The following ILDR1 variants were observed in gnomAD, a reference collection of about 807,000 sequenced individuals.
The protein encoded by ILDR1 is immunoglobulin-like domain-containing receptor 1.
A neutral mutation model predicts 62.4 loss-of-function variants in ILDR1; 56 were observed. The observed-to-expected ratio is 0.90, with a 90% confidence interval of 0.72 to 1.12. ILDR1 has a LOEUF of 1.12. Ranked by LOEUF, ILDR1 falls within the 50% of genes most tolerant of loss-of-function variation. ILDR1 has a pLI of 0.00. For missense variants in ILDR1, 736 were observed against 710.6 expected (o/e 1.04, Z -0.41); for synonymous variants, 284 against 277.8 (o/e 1.02, Z -0.22).
rs1425786093 is a variant in ILDR1 at position 122,021,924 on chromosome 3, T to C, written c.58+96A>G. The stretch of plus-strand genomic sequence containing the variant: ...GCGCCACCAGAGCGCGGCCCAGGCC[T>C]CCACTGCCCTGCCCGCGGCCAGCTC... On this transcript the variant is annotated intron_variant, in intron 1 of 7. Transcript: ENST00000344209. The C allele has an allele frequency of 2.4e-6, 3 of 1,238,114 alleles. No homozygotes were observed. The Admixed American group carries it at 6.0e-5, about 25-fold the overall frequency. 76.7% of individuals were successfully genotyped at this position (1,238,114 alleles called of 1,614,324 possible).
At chr3:122,056,295 G>C in the ILDR1 span, among the ~76,000 whole-genome samples, 1 of 152,076 alleles carries the variant, frequency 6.6e-6, no homozygotes, top group East Asian at 1.9e-4. Context: ...CCCTTCTCTT[G>C]GGTGGTGGCA....
chr3:122,048,849 T>C, the ILDR1 span, among the ~76,000 whole-genome samples: 1 of 152,186 alleles, frequency 6.6e-6, no homozygotes, highest in Non-Finnish European at 1.5e-5. Flanking sequence ...TTGCCCAGGC[T>C]GGTCTTGGAC....
chr3:122,022,067 G>GGCCAT lies in ILDR1; in HGVS notation c.6_10dup (p.Pro4HisfsTer25), dbSNP rs763645197. 1.6e-5 allele frequency: 25 copies of GGCCAT among 1,609,642 alleles called. No individual in the cohort carries two copies. Among genetic ancestry groups the GGCCAT allele is most frequent in the Admixed American group, 1.7e-5 (1 of 59,612 alleles). ...CAGCAGCCAAGGTGCGGGCAGTTTG[G>GGCCAT]GCCATGCCATGCCGCCCCCTTTCTG... is the stretch of plus-strand genomic sequence containing the variant. On this transcript the variant is annotated frameshift_variant, in exon 1 of 8. Coordinates refer to ENST00000344209, the MANE Select transcript of ILDR1 (RefSeq NM_001199799.2). LOFTEE classifies it high-confidence loss of function.
At chr3:122,030,281 A>G in the ILDR1 span, among the ~76,000 whole-genome samples, 1 of 152,028 alleles carries the variant, frequency 6.6e-6, no homozygotes, top group African/African-American at 2.4e-5. Context: ...AGTCATAGCA[A>G]CAAAGGTAGA....
At chr3:122,029,511 A>AAAATATATATATATATATATAT in the ILDR1 span, among the ~76,000 whole-genome samples, 1 of 139,478 alleles carries the variant, frequency 7.2e-6, no homozygotes, top group African/African-American at 2.8e-5. Flanking sequence ...GTCTAAAAAA[A>AAAATATATATATATATATATAT]ATATATATAT....
the ILDR1 span, among the ~76,000 whole-genome samples, chr3:122,029,511 A>ATAT: frequency 3.8e-3 from 529 of 139,482 alleles, 5 homozygotes; most frequent in African/African-American, 0.013. Flanking sequence ...GTCTAAAAAA[A>ATAT]ATATATATAT....
rs751937187 is a variant in ILDR1, at chr3:122,005,298, T to C, written c.325A>G (p.Asn109Asp). The change falls in exon 3 of 8, where the codon AAT (asparagine) becomes GAT (aspartate). Residue 109 changes from asparagine (N) to aspartate (D), a missense_variant. Transcript: ENST00000344209. ...TAATCTACCCCCAGCACGGGCTCAT[T>C]CTGCCCCCGCCGCTGGGCCACTATG... ...VRIVAQRRGQ[N>D]EPVLGVDYRQ... 1.9e-6 allele frequency: 3 copies of C among 1,613,820 alleles called. No homozygotes were observed. Among genetic ancestry groups the C allele is most frequent in the Non-Finnish European group, 2.5e-6 (3 of 1,179,880 alleles).
upstream of ILDR1, among the ~76,000 whole-genome samples, chr3:122,024,945 A>G (rs1040058711): frequency 6.6e-6 from 1 of 152,228 alleles, no homozygotes; most frequent in Non-Finnish European, 1.5e-5. Context: ...TCAGCTCTAC[A>G]TAAGGGAAAA....
chr3:121,988,150 T>G lies in ILDR1; in HGVS notation c.*217A>C. The G allele has an allele frequency of 1.6e-6, 1 of 638,686 alleles. No homozygotes were observed. The highest frequency in any genetic ancestry group is 2.9e-6 in the Non-Finnish European group (1 of 344,708). 39.6% of individuals were successfully genotyped at this position (638,686 alleles called of 1,614,324 possible). A position where few individuals can be genotyped will look rare whatever the true frequency, so the allele number is the denominator to read the frequency against. ...CTGATCTTGAACTCCTAGTCTCAAG[T>G]GATTCTTAGCCTCCCAAAGTGCTGT... On this transcript the variant is annotated 3_prime_UTR_variant, in exon 8 of 8. Transcript: ENST00000344209.
the ILDR1 span, among the ~76,000 whole-genome samples, chr3:122,056,362 G>T: frequency 6.6e-6 from 1 of 152,096 alleles, no homozygotes; most frequent in Non-Finnish European, 1.5e-5. Context: ...TTGAAACAGA[G>T]TCTCGCTCTG....
rs763959563 is a variant in ILDR1, at chr3:121,993,629, G to A, written c.1120C>T (p.Pro374Ser). The A allele has an allele frequency of 1.2e-6, 2 of 1,614,088 alleles. No homozygotes were observed. The highest frequency in any genetic ancestry group is 1.7e-6 in the Non-Finnish European group (2 of 1,180,038). The change falls in exon 7 of 8, where the codon CCT becomes TCT. Residue 374 changes from proline to serine, a missense_variant. Coordinates refer to ENST00000344209, the MANE Select transcript of ILDR1 (RefSeq NM_001199799.2). ...TCCTGGAGCTCCTGGTGGAAATCAGGGTAATGGTGGTGGCTTCTCCCCTCC... is the reference window on the plus strand; with the variant it reads ...TCCTGGAGCTCCTGGTGGAAATCAGAGTAATGGTGGTGGCTTCTCCCCTCC... ...LREGRSHHHY[P>S]DFHQELQDRG...
At chr3:122,002,014 C>T in intron 3 of ILDR1, 150 bp from the exon 4 acceptor site, 2 of 591,130 alleles carry the variant, frequency 3.4e-6, no homozygotes, top group Non-Finnish European at 5.0e-6. Context: ...GTGGCATGTG[C>T]CTATAGTCCC....
chr3:121,993,989 A>G lies in ILDR1; in HGVS notation c.779-19T>C. ...GACAAATCTGAATGGAAACAAGGAC[A>G]GGACAATAGAACAAATGGCCCAAAA... On this transcript the variant is annotated intron_variant, in intron 6 of 7. Transcript: ENST00000344209. 3.1e-6 allele frequency: 5 copies of G among 1,601,732 alleles called. No individual in the cohort carries two copies. The highest frequency in any genetic ancestry group is 2.5e-6 in the Non-Finnish European group (3 of 1,177,420).
chr3:122,057,804 G>A, the ILDR1 span, among the ~76,000 whole-genome samples: 4 of 152,212 alleles, frequency 2.6e-5, no homozygotes, highest in Non-Finnish European at 5.9e-5. Flanking sequence ...TGTTCTGATA[G>A]AATTTTATAT....
rs1193486157 is a variant in ILDR1 at position 122,015,071 on chromosome 3, G to A, written c.58+6949C>T. Among the ~76,000 whole-genome samples, 3 of 152,362 alleles carry A rather than the reference G, an allele frequency of 2.0e-5. No individual in the cohort carries two copies. In the East Asian group the frequency reaches 5.8e-4, roughly 29 times the overall value. ...CTCTTGGAACTTGTGCTCCTGGTAGGAGAGTCAATGATAAACAAGTAAACA... is the reference window on the plus strand; with the variant it reads ...CTCTTGGAACTTGTGCTCCTGGTAGAAGAGTCAATGATAAACAAGTAAACA... On this transcript the variant is annotated intron_variant, in intron 1 of 7. Transcript: ENST00000344209.
the ILDR1 span, among the ~76,000 whole-genome samples, chr3:122,040,033 A>T: frequency 6.6e-6 from 1 of 151,770 alleles, no homozygotes; most frequent in Non-Finnish European, 1.5e-5. Flanking sequence ...TAAAATTATT[A>T]TAAGATATTT....
chr3:122,048,113 G>A, the ILDR1 span, among the ~76,000 whole-genome samples: 13 of 152,114 alleles, frequency 8.5e-5, no homozygotes, highest in African/African-American at 3.1e-4. Context: ...ATTATGTTGA[G>A]GTAAATTCCT....
chr3:122,021,456 C>T (rs957501159), intron 1 of ILDR1, among the ~76,000 whole-genome samples: 8 of 151,986 alleles, frequency 5.3e-5, no homozygotes, highest in African/African-American at 1.7e-4. Context: ...ACACCTGATG[C>T]AGGATGAGCA....
chr3:121,995,837 G>A (rs9816720), intron 5 of ILDR1, among the ~76,000 whole-genome samples: 62,829 of 152,078 alleles, frequency 0.41, 13,540 homozygotes, highest in East Asian at 0.7. Flanking sequence ...AATCCAATGA[G>A]GAAGCTGGGC....
Sources: allele counts gnomAD v4.1 joint callset (sites outside exome capture counted in the v4.1 genomes callset), GRCh38; gene constraint gnomAD v4.1.1; transcripts MANE v1.5; gene names NCBI Gene and HGNC (gene_info 2026-07-23, HGNC 2026-07-21).